Variants in LRRC28 observed in about 807,000 individuals in gnomAD.
LRRC28 encodes leucine-rich repeat-containing protein 28.
A neutral mutation model predicts 45.7 loss-of-function variants in LRRC28; 39 were observed. The observed-to-expected ratio is 0.85, with a 90% CI of 0.66 to 1.12. The LOEUF is 1.12. LRRC28 is among the 50% of genes most tolerant of loss of function. LRRC28 has a pLI of 0.00. For missense variants in LRRC28, 435 were observed against 438.5 expected, an observed-to-expected ratio of 0.99 and a Z score of 0.07; for synonymous variants, 206 against 178.8, an observed-to-expected ratio of 1.15 and a Z score of -1.22.
rs879053155 is a variant in LRRC28 at position 99,259,471 on chromosome 15, C to T, written c.168+3346C>T. ...TTGAGAAAGAATTTGAGCCTCTGCC[C>T]AATTGGGTGAAAGATAAAGCCATTA... On this transcript the variant is annotated intron_variant, in intron 2 of 9. Transcript: ENST00000301981. The T allele has an allele frequency of 2.1e-5, 24 of 1,170,366 alleles. No individual in the cohort carries two copies. The South Asian group carries it at 2.6e-4, about 12-fold the overall frequency. 72.5% of individuals were successfully genotyped at this position (1,170,366 alleles called of 1,614,324 possible).
intron 3 of LRRC28, chr15:99,287,023 TAAC>T (rs1289956282): frequency 1.3e-5 from 5 of 380,982 alleles, no homozygotes; most frequent in Non-Finnish European, 2.4e-5. Context: ...TATTTTAAAA[TAAC>T]AACTAAATCA....
chr15:99,379,033 TC>T (rs1285666711), intron 9 of LRRC28, among the ~76,000 whole-genome samples: 1 of 151,770 alleles, frequency 6.6e-6, no homozygotes, highest in Non-Finnish European at 1.5e-5. Flanking sequence ...GGCTTTGGTA[TC>T]AGGATGATGC....
chr15:99,363,037 T>G, intron 8 of LRRC28, 69 bp from the exon 9 acceptor site: 1 of 1,495,188 alleles, frequency 6.7e-7, no homozygotes, highest in Non-Finnish European at 9.0e-7. Context: ...GTAACAAATA[T>G]TTTAAGAAGC....
At chr15:99,329,978 T>C (rs747044680) in intron 5 of LRRC28, among the ~76,000 whole-genome samples, 2 of 152,220 alleles carry the variant, frequency 1.3e-5, no homozygotes, top group Non-Finnish European at 2.9e-5. Flanking sequence ...AATATGTATG[T>C]TTATTGCCTA....
At chr15:99,307,079 C>A (rs1955211021) in intron 5 of LRRC28, among the ~76,000 whole-genome samples, 1 of 152,128 alleles carries the variant, frequency 6.6e-6, no homozygotes, top group African/African-American at 2.4e-5. Flanking sequence ...TGTTTAATTG[C>A]CATTAGACTG....
At chr15:99,316,643 A>G (rs1229161408) in intron 5 of LRRC28, among the ~76,000 whole-genome samples, 7 of 151,992 alleles carry the variant, frequency 4.6e-5, no homozygotes, top group Non-Finnish European at 1.0e-4. Flanking sequence ...AAGAAAGTAG[A>G]GAATTAATGG....
rs1024672662 is a variant in LRRC28 at position 99,390,577 on chromosome 15, T to C, written c.*4475T>C. On this transcript the variant is annotated 3_prime_UTR_variant, in exon 10 of 10. Coordinates refer to ENST00000301981, the MANE Select transcript of LRRC28 (RefSeq NM_144598.5). ...TCTGAAAAATTATGGCAACATTCAT[T>C]TGGAGTGTGGCTAAAAACTCATACT... The C allele has an allele frequency of 7.9e-5, 12 of 152,228 alleles. No individual in the cohort carries two copies. Among genetic ancestry groups the C allele is most frequent in the African/African-American group, 2.7e-4 (11 of 41,468 alleles). The allele number at this position is 152,228 out of a possible 1,614,324, so 9.4% of individuals were successfully genotyped here. A position where few individuals can be genotyped will look rare whatever the true frequency, so the allele number is the denominator to read the frequency against.
chr15:99,364,172 G>A (rs776843461), intron 9 of LRRC28, among the ~76,000 whole-genome samples: 4 of 152,136 alleles, frequency 2.6e-5, no homozygotes, highest in Non-Finnish European at 5.9e-5. Flanking sequence ...CTTTGCACCC[G>A]ACAAGTCTGG....
intron 2 of LRRC28, among the ~76,000 whole-genome samples, chr15:99,266,119 A>G (rs2081326116): frequency 6.6e-6 from 1 of 152,204 alleles, no homozygotes; most frequent in South Asian, 2.1e-4. Flanking sequence ...TTAACTTAAA[A>G]ATTATATTCC....
intron 9 of LRRC28, among the ~76,000 whole-genome samples, chr15:99,364,683 C>G (rs1050395701): frequency 6.6e-6 from 1 of 152,176 alleles, no homozygotes; most frequent in African/African-American, 2.4e-5. Flanking sequence ...AACTTACTGA[C>G]CATCCCTGAG....
At chr15:99,290,120 TG>T (rs2082079198) in intron 5 of LRRC28, among the ~76,000 whole-genome samples, 1 of 151,472 alleles carries the variant, frequency 6.6e-6, no homozygotes, top group South Asian at 2.1e-4. Flanking sequence ...TAGCCGGGTG[TG>T]GTGGCATTGT....
intron 5 of LRRC28, among the ~76,000 whole-genome samples, chr15:99,325,018 T>G (rs1421429618): frequency 6.6e-6 from 1 of 152,240 alleles, no homozygotes; most frequent in African/African-American, 2.4e-5. Context: ...GCAGATCAGT[T>G]TGGGGAGTGT....
chr15:99,389,529 T>C lies in LRRC28; in HGVS notation c.*3427T>C, dbSNP rs1241697669. Reference sequence around the variant, plus strand: ...ATAAAAACATTTTTATTAAGATGATTTATGAACATGGATTTCTAACTGGAC... The same window carrying C: ...ATAAAAACATTTTTATTAAGATGATCTATGAACATGGATTTCTAACTGGAC... On this transcript the variant is annotated 3_prime_UTR_variant, in exon 10 of 10. Transcript: ENST00000301981. 3.3e-5 allele frequency: 5 copies of C among 152,308 alleles called. No homozygotes were observed. Among genetic ancestry groups the C allele is most frequent in the Admixed American group, 6.5e-5 (1 of 15,300 alleles). 9.4% of individuals were successfully genotyped at this position (152,308 alleles called of 1,614,324 possible). A position where few individuals can be genotyped will look rare whatever the true frequency, so the allele number is the denominator to read the frequency against.
rs118166643 is a variant in LRRC28, at chr15:99,278,053, C to T, written c.209+1437C>T. On this transcript the variant is annotated intron_variant, in intron 3 of 9. Coordinates refer to ENST00000301981, the MANE Select transcript of LRRC28 (RefSeq NM_144598.5). The stretch of plus-strand genomic sequence containing the variant: ...TATCTTGCTGAAATCTTTATTGTTT[C>T]AATTAGTTTTCATGATAGATTCTCT... Among the ~76,000 whole-genome samples, 86 of 152,054 alleles carry T rather than the reference C, an allele frequency of 5.7e-4. No homozygotes were observed. In the East Asian group the frequency reaches 0.016, roughly 28 times the overall value.
chr15:99,340,115 T>TCA (rs1166954778), intron 6 of LRRC28, among the ~76,000 whole-genome samples: 1 of 152,258 alleles, frequency 6.6e-6, no homozygotes, highest in African/African-American at 2.4e-5. Flanking sequence ...CTCCTCCAGA[T>TCA]CACACACTGT....
In LRRC28 at chr15:99,377,124, A is replaced by T. The variant is rs113932980; in HGVS notation, c.1032-8906A>T. On this transcript the variant is annotated intron_variant, in intron 9 of 9. Coordinates refer to ENST00000301981, the MANE Select transcript of LRRC28 (RefSeq NM_144598.5). ...AGATCCTTGAGGAATTGCCACACTG[A>T]CTTCCACAATGGTTGAACTAGTTTA... is the stretch of plus-strand genomic sequence containing the variant. Among the ~76,000 whole-genome samples, 204 of 152,076 alleles carry T rather than the reference A, an allele frequency of 1.3e-3. 2 individuals carry two copies. The highest frequency in any genetic ancestry group is 4.0e-3 in the African/African-American group (166 of 41,346).
At chr15:99,293,147 T>A (rs544225613) in intron 5 of LRRC28, among the ~76,000 whole-genome samples, 2 of 152,376 alleles carry the variant, frequency 1.3e-5, no homozygotes, top group African/African-American at 4.8e-5. Flanking sequence ...TGCCATTTCA[T>A]ACAAATTACA....
rs1241406820 is a variant in LRRC28 at position 99,389,226 on chromosome 15, A to G, written c.*3124A>G. On this transcript the variant is annotated 3_prime_UTR_variant, in exon 10 of 10. Transcript: ENST00000301981. ...GACCTTTCACATTCCAGCTTGTCCG[A>G]CTAGTGTAATGTACCTCTCACTTCT... is the stretch of plus-strand genomic sequence containing the variant. 1 of 152,120 alleles carries G rather than the reference A, an allele frequency of 6.6e-6. No individual in the cohort carries two copies. The highest frequency in any genetic ancestry group is 6.5e-5 in the Admixed American group (1 of 15,270). 9.4% of individuals were successfully genotyped at this position (152,120 alleles called of 1,614,324 possible). A position where few individuals can be genotyped will look rare whatever the true frequency, so the allele number is the denominator to read the frequency against.
Position 99,295,271 on chromosome 15 carries a change from C to T in LRRC28, c.385+7320C>T, listed in dbSNP as rs181871656. Among the ~76,000 whole-genome samples, 14 of 152,120 alleles carry T rather than the reference C, an allele frequency of 9.2e-5. 1 individual carries two copies. Among genetic ancestry groups the T allele is most frequent in the East Asian group, 1.9e-4 (1 of 5,168 alleles). On this transcript the variant is annotated intron_variant, in intron 5 of 9. Transcript: ENST00000301981. The stretch of plus-strand genomic sequence containing the variant: ...TAAGCATGTACCACTTAAACATTTA[C>T]GTATTGCTTTTCCCTACACCTGGCA...
Sources: gnomAD v4.1 joint callset for allele counts (sites outside exome capture counted in the v4.1 genomes callset) on GRCh38, gnomAD v4.1.1 for gene constraint, MANE v1.5 for transcripts, NCBI Gene and HGNC (gene_info 2026-07-23, HGNC 2026-07-21) for gene names.